NAALADL2: variants seen among roughly 807,000 people sequenced by gnomAD.
NAALADL2 encodes N-acetylated alpha-linked acidic dipeptidase like 2, also known as inactive N-acetylated-alpha-linked acidic dipeptidase-like protein 2.
In NAALADL2, 76 loss-of-function variants were observed where a neutral mutation model predicts 87.2. The ratio of observed to expected loss-of-function variants is 0.87; its 90% CI spans 0.72 to 1.05. NAALADL2 has a LOEUF of 1.05. Among genes scored for constraint, NAALADL2 ranks in the 50% least tolerant of loss-of-function variants. The pLI is 0.00. For missense variants in NAALADL2, 1,089 were observed against 945.8 expected, an observed-to-expected ratio of 1.15 and a Z score of -1.99; for synonymous variants, 354 against 331.0, an observed-to-expected ratio of 1.07 and a Z score of -0.75.
intron 9 of NAALADL2, among the ~76,000 whole-genome samples, chr3:175,570,428 C>T (rs747124127): frequency 3.9e-5 from 6 of 152,158 alleles, no homozygotes; most frequent in Non-Finnish European, 5.9e-5. Flanking sequence ...TTAAAATTAA[C>T]CATCACACTG....
intron 2 of NAALADL2, among the ~76,000 whole-genome samples, chr3:175,204,486 A>C (rs192164017): frequency 2.6e-5 from 4 of 152,288 alleles, no homozygotes; most frequent in South Asian, 2.1e-4. Flanking sequence ...CCAACATAAT[A>C]CTGAATGGGG....
chr3:174,687,394 C>A (rs966829055), intron 2 of NAALADL2, among the ~76,000 whole-genome samples: 12 of 152,098 alleles, frequency 7.9e-5, no homozygotes, highest in African/African-American at 2.9e-4. Flanking sequence ...GCACTCAACA[C>A]ATTAGTATAT....
At chr3:175,406,576 A>G (rs1396124082) in intron 5 of NAALADL2, among the ~76,000 whole-genome samples, 1 of 152,202 alleles carries the variant, frequency 6.6e-6, no homozygotes, top group Non-Finnish European at 1.5e-5. Flanking sequence ...ATTATTATAA[A>G]TATGTCTTTA....
At chr3:174,876,712 A>G (rs7621805) in intron 1 of NAALADL2, among the ~76,000 whole-genome samples, 17,919 of 152,110 alleles carry the variant, frequency 0.12, 1,172 homozygotes, top group Middle Eastern at 0.15. Flanking sequence ...TTAATGATTT[A>G]TTATCCTTGT....
chr3:175,732,894 G>A (rs1468791004), intron 11 of NAALADL2, among the ~76,000 whole-genome samples: 1 of 151,340 alleles, frequency 6.6e-6, no homozygotes, highest in Admixed American at 6.6e-5. Context: ...CACACGCTGG[G>A]GTCTGTCGGG....
chr3:175,373,242 G>A (rs1766715378), intron 5 of NAALADL2, among the ~76,000 whole-genome samples: 2 of 152,122 alleles, frequency 1.3e-5, no homozygotes, highest in South Asian at 2.1e-4. Flanking sequence ...GTAAACAGTT[G>A]TATAATCATG....
intron 1 of NAALADL2, among the ~76,000 whole-genome samples, chr3:174,888,900 T>C (rs1448324156): frequency 6.6e-6 from 1 of 152,204 alleles, no homozygotes; most frequent in Non-Finnish European, 1.5e-5. Context: ...AGTTTAAAAA[T>C]GTTGCGTGAC....
At chr3:175,045,038 T>C (rs1580170041) in intron 1 of NAALADL2, among the ~76,000 whole-genome samples, 1 of 152,168 alleles carries the variant, frequency 6.6e-6, no homozygotes, top group East Asian at 1.9e-4. Flanking sequence ...ATTTCCCCCA[T>C]CCCATTGCAA....
intron 4 of NAALADL2, among the ~76,000 whole-genome samples, chr3:175,298,110 G>A (rs1446372177): frequency 6.6e-6 from 1 of 152,074 alleles, no homozygotes; most frequent in African/African-American, 2.4e-5. Context: ...AAATAAGACA[G>A]GGAAACAAAG....
rs566415387 is a variant in NAALADL2 at position 175,152,254 on chromosome 3, T to G, written c.545+54963T>G. Among the ~76,000 whole-genome samples the G allele has an allele frequency of 2.2e-4, 34 of 152,266 alleles. No individual in the cohort carries two copies. The South Asian group carries it at 6.4e-3, about 29-fold the overall frequency. ...TGTAAGAAAAATAGCAACATTCCGT[T>G]GTGTTTCTGAGATCATAGATCTAGT... On this transcript the variant is annotated intron_variant, in intron 2 of 13. Coordinates refer to ENST00000454872, the MANE Select transcript of NAALADL2 (RefSeq NM_207015.3).
chr3:174,930,046 A>T (rs1475980678), intron 1 of NAALADL2, among the ~76,000 whole-genome samples: 1 of 152,128 alleles, frequency 6.6e-6, no homozygotes, highest in African/African-American at 2.4e-5. Flanking sequence ...CTCTTAGTGT[A>T]CTTTGTGTAG....
intron 5 of NAALADL2, among the ~76,000 whole-genome samples, chr3:175,417,032 A>G (rs896084049): frequency 4.0e-5 from 6 of 151,170 alleles, no homozygotes; most frequent in Non-Finnish European, 7.4e-5. Context: ...GATATATTTA[A>G]TAATTAAAAT....
Position 175,707,389 on chromosome 3 carries a change from A to T in NAALADL2, c.1897-29917A>T, listed in dbSNP as rs1317943816. Among the ~76,000 whole-genome samples, 6 of 152,254 alleles carry T rather than the reference A, an allele frequency of 3.9e-5. No homozygotes were observed. In the East Asian group the frequency reaches 1.2e-3, roughly 29 times the overall value. ...TCAACTGTTTAGAAATGTAAAAACT[A>T]TTCTTAACGCATGAGCCATACAAAA... On this transcript the variant is annotated intron_variant, in intron 11 of 13. Coordinates refer to ENST00000454872, the MANE Select transcript of NAALADL2 (RefSeq NM_207015.3).
intron 1 of NAALADL2, among the ~76,000 whole-genome samples, chr3:174,890,546 A>T (rs890727215): frequency 1.3e-4 from 20 of 152,346 alleles, no homozygotes; most frequent in African/African-American, 4.8e-4. Context: ...AGAACAATTG[A>T]TAATGAAGAT....
At chr3:175,702,124 G>A (rs1190045643) in intron 11 of NAALADL2, among the ~76,000 whole-genome samples, 1 of 152,022 alleles carries the variant, frequency 6.6e-6, no homozygotes, top group Non-Finnish European at 1.5e-5. Flanking sequence ...CATTTAACAA[G>A]ATAACACATG....
At chr3:175,496,304 TG>T (rs1728799482) in intron 9 of NAALADL2, among the ~76,000 whole-genome samples, 1 of 152,112 alleles carries the variant, frequency 6.6e-6, no homozygotes, top group Admixed American at 6.6e-5. Context: ...TGCTATTGTT[TG>T]TGATTTATCA....
intron 2 of NAALADL2, among the ~76,000 whole-genome samples, chr3:174,614,913 A>G (rs1050969672): frequency 6.6e-6 from 1 of 152,158 alleles, no homozygotes; most frequent in Non-Finnish European, 1.5e-5. Flanking sequence ...GAAATTTTAT[A>G]CTATAATGAA....
chr3:174,474,267 T>C (rs1560004501), intron 1 of NAALADL2, among the ~76,000 whole-genome samples: 1 of 152,186 alleles, frequency 6.6e-6, no homozygotes, highest in African/African-American at 2.4e-5. Context: ...AGGCCATCGA[T>C]TCACAAATTT....
intron 6 of NAALADL2, among the ~76,000 whole-genome samples, chr3:175,453,808 A>G (rs954172645): frequency 2.0e-5 from 3 of 152,090 alleles, no homozygotes; most frequent in African/African-American, 7.2e-5. Context: ...AATATTCTGT[A>G]TATTATTCAT....
Sources: allele counts gnomAD v4.1 joint callset (sites outside exome capture counted in the v4.1 genomes callset), GRCh38; gene constraint gnomAD v4.1.1; transcripts MANE v1.5; gene names NCBI Gene and HGNC (gene_info 2026-07-23, HGNC 2026-07-21).